Variants in BMP1 observed in about 807,000 individuals in gnomAD.
The protein encoded by BMP1 is bone morphogenetic protein 1.
BMP1 carries 63 observed loss-of-function variants against 116.8 expected under a neutral mutation model. The observed-to-expected ratio is 0.54, with a 90% confidence interval of 0.44 to 0.67. The LOEUF (loss-of-function observed/expected upper bound fraction) is 0.67, where lower values mean the gene tolerates loss of function less well. BMP1 is among the 30% of genes least tolerant of loss of function. BMP1 has a pLI of 0.00. For missense variants in BMP1, 1,183 were observed against 1,358.9 expected, an observed-to-expected ratio of 0.87 and a Z score of 2.04; for synonymous variants, 536 against 533.4, an observed-to-expected ratio of 1.00 and a Z score of -0.07.
At chr8:22,199,185 A>G (rs1326315117) in intron 15 of BMP1, 1 of 1,367,520 alleles carries the variant, frequency 7.3e-7, no homozygotes, top group African/African-American at 1.5e-5. Context: ...CCATCGCACA[A>G]GAAACCTGCA....
intron 8 of BMP1, among the ~76,000 whole-genome samples, chr8:22,181,901 C>T (rs1284940496): frequency 1.3e-5 from 2 of 152,120 alleles, no homozygotes; most frequent in African/African-American, 2.4e-5. Context: ...TCCCTTAAGC[C>T]CCCCAGTTGC....
At chr8:22,188,092 G>T (rs532850253) in intron 8 of BMP1, among the ~76,000 whole-genome samples, 4 of 151,984 alleles carry the variant, frequency 2.6e-5, no homozygotes, top group African/African-American at 9.7e-5. Context: ...CTATATTCGG[G>T]GTGCACCAGA....
chr8:22,201,784 C>T lies in BMP1; in HGVS notation c.2108-19C>T. 6.2e-7 allele frequency: 1 copy of T among 1,612,608 alleles called. No homozygotes were observed. Among genetic ancestry groups the T allele is most frequent in the South Asian group, 1.1e-5 (1 of 91,008 alleles). ...GCCCTGCACAGACCCAGCGTCTGCC[C>T]TTATTTGCTCCCCTGCAGACAAGGA... On this transcript the variant is annotated intron_variant, in intron 15 of 19. Coordinates refer to ENST00000306385, the MANE Select transcript of BMP1 (RefSeq NM_006129.5).
At position 22,176,242 on chromosome 8, in the gene BMP1, C is replaced by T. The variant is rs755012534; in HGVS notation, c.362C>T (p.Ala121Val). The T allele has an allele frequency of 6.2e-7, 1 of 1,613,740 alleles. No individual in the cohort carries two copies. The highest frequency in any genetic ancestry group is 8.5e-7 in the Non-Finnish European group (1 of 1,179,872). The change falls in exon 3 of 20, where the codon GCG (alanine) becomes GTG (valine). Residue 121 changes from alanine (A) to valine (V), a missense_variant. By Grantham distance (64) the Ala-to-Val change is moderately conservative. Coordinates refer to ENST00000306385, the MANE Select transcript of BMP1 (RefSeq NM_006129.5). ...RWRGRSRSRR[A>V]ATSRPERVWP... ...AGAGGTAGATCCCGTAGCCGGCGGGCGGCGACGTCCCGACCAGAGCGTGTG... is the reference window on the plus strand; with the variant it reads ...AGAGGTAGATCCCGTAGCCGGCGGGTGGCGACGTCCCGACCAGAGCGTGTG...
intron 16 of BMP1, among the ~76,000 whole-genome samples, chr8:22,203,465 G>A (rs555106200): frequency 1.3e-5 from 2 of 152,294 alleles, no homozygotes; most frequent in Non-Finnish European, 1.5e-5. Flanking sequence ...GTTGAGGCAG[G>A]AGAATTGCTT....
intron 16 of BMP1, 91 bp from the exon 17 acceptor site, chr8:22,206,763 G>GA: frequency 6.5e-7 from 1 of 1,545,658 alleles, no homozygotes; most frequent in Non-Finnish European, 8.8e-7. Flanking sequence ...TGGAAGAAAG[G>GA]AGGGGGGGCA....
intron 2 of BMP1, 117 bp downstream of exon 2, chr8:22,173,832 C>A: frequency 1.5e-6 from 1 of 680,256 alleles, no homozygotes; most frequent in Non-Finnish European, 2.4e-6. Flanking sequence ...TGAGTTTGAC[C>A]CCAGCACATG....
At position 22,198,142 on chromosome 8, in the gene BMP1, G is replaced by C. The variant is rs936316955; in HGVS notation, c.2107+722G>C. ...TGAGGCTGTAGTGAACGATGATCTC[G>C]TCACTCACTCCAGACCCTGTTTCTA... On this transcript the variant is annotated intron_variant, in intron 15 of 19. Transcript: ENST00000306385. Among the ~76,000 whole-genome samples, 15 of 152,216 alleles carry C rather than the reference G, an allele frequency of 9.9e-5. 1 individual carries two copies. Among genetic ancestry groups the C allele is most frequent in the Non-Finnish European group, 1.5e-5 (1 of 68,046 alleles).
intron 8 of BMP1, among the ~76,000 whole-genome samples, chr8:22,191,212 T>C (rs1020655461): frequency 2.0e-5 from 3 of 152,158 alleles, no homozygotes; most frequent in African/African-American, 7.2e-5. Context: ...CTTCTCCCCA[T>C]TGCACGCAGG....
At chr8:22,206,617 T>TTC (rs1403227840) in intron 16 of BMP1, among the ~76,000 whole-genome samples, 1 of 152,156 alleles carries the variant, frequency 6.6e-6, no homozygotes, top group African/African-American at 2.4e-5. Context: ...CGATGGCTGC[T>TTC]TCATGAGTGC....
Position 22,197,269 on chromosome 8 carries a change from C to T in BMP1, c.1956C>T (p.Arg652=). ...DVCKYDFVEV[R]SGLTADSKLH... ...GCAAGTACGACTTCGTGGAGGTGCG[C>T]AGTGGACTCACAGCTGACTCCAAGC... The change falls in exon 15 of 20, where the codon CGC becomes CGT. Residue 652 remains arginine (R), a synonymous_variant. Transcript: ENST00000306385. 6.2e-7 allele frequency: 1 copy of T among 1,613,360 alleles called. No homozygotes were observed. Among genetic ancestry groups the T allele is most frequent in the Non-Finnish European group, 8.5e-7 (1 of 1,179,378 alleles).
chr8:22,186,976 T>C (rs1358575886), intron 8 of BMP1, among the ~76,000 whole-genome samples: 1 of 152,162 alleles, frequency 6.6e-6, no homozygotes, highest in Admixed American at 6.5e-5. Context: ...ATCTTTCCTA[T>C]ATTCCTAATC....
At chr8:22,199,073 T>G in intron 15 of BMP1, 2 of 1,365,708 alleles carry the variant, frequency 1.5e-6, no homozygotes, top group Non-Finnish European at 2.0e-6. Flanking sequence ...CTGGAGTTAC[T>G]GCTCTGCCCC....
rs538687440 is a variant in BMP1, at chr8:22,172,300, G to A, written c.149-1302G>A. ...CTCAGCATGCAGCTCCCATCTGAGC[G>A]CCTTACAAAGCGGCCAGTTCTATGG... On this transcript the variant is annotated intron_variant, in intron 1 of 19. Coordinates refer to ENST00000306385, the MANE Select transcript of BMP1 (RefSeq NM_006129.5). 4.6e-5 allele frequency among the ~76,000 whole-genome samples: 7 copies of A among 152,026 alleles called. No individual in the cohort carries two copies. In the South Asian group the frequency reaches 6.2e-4, roughly 14 times the overall value.
Position 22,194,347 on chromosome 8 carries a change from G to A in BMP1, c.1298-98G>A, listed in dbSNP as rs565509510. 40 of 1,522,804 alleles carry A rather than the reference G, an allele frequency of 2.6e-5. 1 individual carries two copies. In the South Asian group the frequency reaches 4.4e-4, roughly 17 times the overall value. 94.3% of individuals were successfully genotyped at this position (1,522,804 alleles called of 1,614,324 possible). On this transcript the variant is annotated intron_variant, in intron 10 of 19. Coordinates refer to ENST00000306385, the MANE Select transcript of BMP1 (RefSeq NM_006129.5). This position sits in a 1 kb window ranked among gnomAD's most constrained non-coding sequence, Gnocchi z 4.5. Reference sequence around the variant, plus strand: ...TTGGTGGGGAACTGAAAAGCTGGGGGACATGGGAGGGACTGGAGGAGTGGG... The same window carrying A: ...TTGGTGGGGAACTGAAAAGCTGGGGAACATGGGAGGGACTGGAGGAGTGGG...
At chr8:22,204,806 T>C (rs752916739) in intron 16 of BMP1, among the ~76,000 whole-genome samples, 2 of 148,092 alleles carry the variant, frequency 1.4e-5, no homozygotes, top group African/African-American at 2.5e-5. Context: ...TGCCGTGGAT[T>C]GAGGAGACCT....
chr8:22,197,861 G>A lies in BMP1; in HGVS notation c.2107+441G>A, dbSNP rs114209789. 2.9e-3 allele frequency among the ~76,000 whole-genome samples: 440 copies of A among 152,254 alleles called. 3 individuals are homozygous for A. The highest frequency in any genetic ancestry group is 0.01 in the African/African-American group (421 of 41,536). ...GGACTTCTAATCAGACCCTGCACAC[G>A]CCAAATAGGTTCACACTGGGGCCTT... is the stretch of plus-strand genomic sequence containing the variant. On this transcript the variant is annotated intron_variant, in intron 15 of 19. Coordinates refer to ENST00000306385, the MANE Select transcript of BMP1 (RefSeq NM_006129.5).
rs775163719 is a variant in BMP1, at chr8:22,194,597, C to G, written c.1443+7C>G. 1 of 1,613,906 alleles carries G rather than the reference C, an allele frequency of 6.2e-7. No homozygotes were observed. The highest frequency in any genetic ancestry group is 1.7e-5 in the Admixed American group (1 of 60,018). ...CACATTCCAGTCCTTTGAGGTAGGT[C>G]AGTGGCCCTGTGATCTGACCTTTGA... On this transcript the variant is annotated splice_region_variant and intron_variant, in intron 11 of 19. Transcript: ENST00000306385. The surrounding 1 kb of genome is among the most constrained non-coding windows in gnomAD (Gnocchi z 4.5).
At position 22,211,958 on chromosome 8, in the gene BMP1, T is replaced by G. The variant is rs1020179637; in HGVS notation, c.*230T>G. 2 of 606,340 alleles carry G rather than the reference T, an allele frequency of 3.3e-6. No homozygotes were observed. The highest frequency in any genetic ancestry group is 1.9e-5 in the African/African-American group (1 of 53,970). The allele number at this position is 606,340 out of a possible 1,614,324, so 37.6% of individuals were successfully genotyped here. On this transcript the variant is annotated 3_prime_UTR_variant, in exon 20 of 20. Coordinates refer to ENST00000306385, the MANE Select transcript of BMP1 (RefSeq NM_006129.5). ...GGGGCTGGGGCCAGGGAGCAGAGCTTCCACAAGACATTTCGAAGTCATCAT... is the reference window on the plus strand; with the variant it reads ...GGGGCTGGGGCCAGGGAGCAGAGCTGCCACAAGACATTTCGAAGTCATCAT...
Sources: allele counts gnomAD v4.1 joint callset (sites outside exome capture counted in the v4.1 genomes callset), GRCh38; gene constraint gnomAD v4.1.1; non-coding constraint Gnocchi (gnomAD v3.1); transcripts MANE v1.5; gene names NCBI Gene and HGNC (gene_info 2026-07-23, HGNC 2026-07-21).